The following SLC12A9 variants were observed in gnomAD, a reference collection of about 807,000 sequenced individuals.
SLC12A9 encodes CCC-interacting protein 1.
A neutral mutation model predicts 66.0 loss-of-function variants in SLC12A9; 55 were observed. The ratio of observed to expected loss-of-function variants is 0.83; its 90% CI spans 0.67 to 1.04. The LOEUF is 1.04. SLC12A9 is among the 50% of genes least tolerant of loss of function. The pLI, the probability that SLC12A9 is intolerant of heterozygous loss-of-function variation, is 0.00. For missense variants in SLC12A9, 1,061 were observed against 1,241.9 expected, an observed-to-expected ratio of 0.85 and a Z score of 2.19; for synonymous variants, 577 against 569.0, an observed-to-expected ratio of 1.01 and a Z score of -0.20.
chr7:100,864,665 T>G (rs568026659), intron 13 of SLC12A9, among the ~76,000 whole-genome samples: 1 of 152,306 alleles, frequency 6.6e-6, no homozygotes, highest in Non-Finnish European at 1.5e-5. Flanking sequence ...TCACGCTGGA[T>G]GGAGGCGGAT....
intron 1 of SLC12A9, among the ~76,000 whole-genome samples, chr7:100,839,648 G>C (rs1184854425): frequency 6.6e-6 from 1 of 152,232 alleles, no homozygotes; most frequent in African/African-American, 2.4e-5. Context: ...AGCAGTGTGT[G>C]GCAGGCCCCT....
At chr7:100,833,830 G>C (rs918945115) in intron 1 of SLC12A9, among the ~76,000 whole-genome samples, 5 of 151,256 alleles carry the variant, frequency 3.3e-5, no homozygotes, top group Non-Finnish European at 1.5e-5. Flanking sequence ...CTACTTGGGA[G>C]GCTGAGGCAG....
chr7:100,857,982 G>A (rs1478212922), intron 5 of SLC12A9: 2 of 152,204 alleles, frequency 1.3e-5, no homozygotes, highest in Non-Finnish European at 2.9e-5. Flanking sequence ...CAGGGGTGGT[G>A]GTGCGCACCT....
chr7:100,851,470 C>T (rs1483279065), upstream of SLC12A9, among the ~76,000 whole-genome samples: 1 of 147,548 alleles, frequency 6.8e-6, no homozygotes, highest in African/African-American at 2.5e-5. Flanking sequence ...GTTGCCCTGG[C>T]TGGAGTGCAG....
At chr7:100,827,209 C>A in intron 1 of SLC12A9, 1 of 371,050 alleles carries the variant, frequency 2.7e-6, no homozygotes, top group Non-Finnish European at 4.3e-6. Context: ...TGTGGCCCCG[C>A]GTCTGTGCCG....
chr7:100,830,118 G>A (rs955777050), intron 1 of SLC12A9, among the ~76,000 whole-genome samples: 17 of 152,060 alleles, frequency 1.1e-4, no homozygotes, highest in East Asian at 3.9e-4. Context: ...TTGGGAGGCC[G>A]AGGCAGGCGG....
chr7:100,862,846 G>C lies in SLC12A9; in HGVS notation c.1858+19G>C, dbSNP rs781057881. ...GGCCTCGGTGAGCTGCTTCTCCCTG[G>C]ATGCCCTCGGCCTTCCTCTGTGGCC... On this transcript the variant is annotated intron_variant, in intron 13 of 13. Transcript: ENST00000354161. The C allele has an allele frequency of 1.9e-6, 3 of 1,613,316 alleles. No homozygotes were observed. The Admixed American group carries it at 5.0e-5, about 27-fold the overall frequency.
chr7:100,850,246 CTTTT>C, upstream of SLC12A9, among the ~76,000 whole-genome samples: 1 of 128,002 alleles, frequency 7.8e-6, no homozygotes, highest in Admixed American at 9.4e-5. Flanking sequence ...TCCTTCCTTC[CTTTT>C]CTTTCTTTCT....
chr7:100,855,299 A>AT (rs11376733), intron 3 of SLC12A9: 255,154 of 255,160 alleles, frequency 1, 127,574 homozygotes, highest in Middle Eastern at 1. Flanking sequence ...ATTTTTAAAT[A>AT]TTTGTAGAGA....
chr7:100,866,440 T>C lies in SLC12A9; in HGVS notation c.2580T>C (p.Asp860=). ...GGGPGGPEGG[D]AEGPITALTF... ...GGCCGGGTGGGCCGGAGGGTGGGGA[T>C]GCTGAGGGCCCCATCACAGCCCTCA... The change falls in exon 14 of 14, where the codon GAT becomes GAC. Residue 860 remains aspartate, a synonymous_variant. Transcript: ENST00000354161. This position sits in a 1 kb window ranked among gnomAD's most constrained non-coding sequence, Gnocchi z 7.3. The C allele has an allele frequency of 6.5e-7, 1 of 1,549,300 alleles. No homozygotes were observed. The highest frequency in any genetic ancestry group is 8.7e-7 in the Non-Finnish European group (1 of 1,146,592).
intron 1 of SLC12A9, among the ~76,000 whole-genome samples, chr7:100,839,185 C>T (rs949924428): frequency 6.6e-6 from 1 of 152,080 alleles, no homozygotes; most frequent in Non-Finnish European, 1.5e-5. Context: ...ATTAGCTGGG[C>T]ATGGTGGCGG....
chr7:100,857,562 A>G, intron 5 of SLC12A9: 1 of 202,354 alleles, frequency 4.9e-6, no homozygotes, highest in South Asian at 1.1e-4. Context: ...TGAGATAGAC[A>G]GGTGGGGGAT....
At chr7:100,860,614 C>G (rs1814688753) in intron 9 of SLC12A9, 2 of 362,930 alleles carry the variant, frequency 5.5e-6, no homozygotes, top group East Asian at 7.1e-5. Flanking sequence ...TGGGGGTTCA[C>G]TGATACTTTG....
At chr7:100,829,898 C>A (rs1455536119) in intron 1 of SLC12A9, among the ~76,000 whole-genome samples, 1 of 151,726 alleles carries the variant, frequency 6.6e-6, no homozygotes, top group African/African-American at 2.4e-5. Flanking sequence ...CATCATGGCA[C>A]ACACCTGTAG....
Position 100,857,183 on chromosome 7 carries a change from T to C in SLC12A9, c.757+7T>C. 6.2e-7 allele frequency: 1 copy of C among 1,605,098 alleles called. No individual in the cohort carries two copies. The highest frequency in any genetic ancestry group is 8.5e-7 in the Non-Finnish European group (1 of 1,173,728). On this transcript the variant is annotated splice_region_variant and intron_variant, in intron 5 of 13. Coordinates refer to ENST00000354161, the MANE Select transcript of SLC12A9 (RefSeq NM_020246.4). ...CTGAAGGACAACTTGGGCGGTGAGC[T>C]GGGTGCTGCCGTGGCAGGGATCTCG...
chr7:100,857,265 G>A (rs770708695), intron 5 of SLC12A9, 89 bp downstream of exon 5: 114 of 1,387,150 alleles, frequency 8.2e-5, no homozygotes, highest in Non-Finnish European at 9.7e-5. Context: ...ATGAGCACAG[G>A]TGTCAGAGGG....
At chr7:100,842,388 C>G (rs1210057253) in intron 1 of SLC12A9, among the ~76,000 whole-genome samples, 1 of 152,174 alleles carries the variant, frequency 6.6e-6, no homozygotes, top group African/African-American at 2.4e-5. Flanking sequence ...AAAGACAGCT[C>G]TCTACTTCAG....
At chr7:100,828,921 C>T (rs974322593) in intron 1 of SLC12A9, among the ~76,000 whole-genome samples, 1 of 152,078 alleles carries the variant, frequency 6.6e-6, no homozygotes, top group South Asian at 2.1e-4. Flanking sequence ...GGGTGCTGCT[C>T]CAGGAGTCAG....
At chr7:100,858,198 G>A (rs1454058503) in intron 5 of SLC12A9, 1 of 151,846 alleles carries the variant, frequency 6.6e-6, no homozygotes, top group South Asian at 2.1e-4. Flanking sequence ...GATCACCTGA[G>A]TCCAGGAGTT....
Sources: gnomAD v4.1 joint callset for allele counts (sites outside exome capture counted in the v4.1 genomes callset) on GRCh38, gnomAD v4.1.1 for gene constraint, Gnocchi (gnomAD v3.1) non-coding constraint, MANE v1.5 for transcripts, NCBI Gene and HGNC (gene_info 2026-07-23, HGNC 2026-07-21) for gene names.